ETNK2: variants seen among roughly 807,000 people sequenced by gnomAD.
The protein encoded by ETNK2 is ethanolamine kinase 2, also known as ethanolamine kinase-like protein.
In ETNK2, 33 loss-of-function variants were observed where a neutral mutation model predicts 46.2. The ratio of observed to expected loss-of-function variants is 0.71; its 90% CI spans 0.54 to 0.96. The LOEUF is 0.96. ETNK2 is among the 40% of genes least tolerant of loss of function. ETNK2 has a pLI of 0.00. For missense variants in ETNK2, 445 were observed against 509.7 expected (o/e 0.87, Z 1.22); for synonymous variants, 194 against 209.0 (o/e 0.93, Z 0.62).
Position 204,151,278 on chromosome 1 carries a change from C to A in ETNK2, c.258+317G>T. ...TTCAGAGCTGGCTGGGTACGCGCTT[C>A]TGGTCAGCGAGGGGCACCAGCACGC... On this transcript the variant is annotated intron_variant, in intron 1 of 7. Transcript: ENST00000367202. This position sits in a 1 kb window ranked among gnomAD's most constrained non-coding sequence, Gnocchi z 8.0. 3 of 495,326 alleles carry A rather than the reference C, an allele frequency of 6.1e-6. No homozygotes were observed. The highest frequency in any genetic ancestry group is 1.1e-5 in the Non-Finnish European group (3 of 280,716). 30.7% of individuals were successfully genotyped at this position (495,326 alleles called of 1,614,324 possible).
chr1:204,147,488 AC>A (rs1558238040), intron 2 of ETNK2: 1 of 533,130 alleles, frequency 1.9e-6, no homozygotes, highest in Admixed American at 1.9e-5. Flanking sequence ...CTTGATAAAG[AC>A]CCCATCGCCC....
rs1432420183 is a variant in ETNK2 at position 204,133,583 on chromosome 1, G to A, written c.1088+932C>T. The stretch of plus-strand genomic sequence containing the variant: ...GTCTCGCTCTGTCGCCCAGGCTGGA[G>A]TGCAGTGGCGGGATCTCGGCTCACT... On this transcript the variant is annotated intron_variant, in intron 7 of 7. Coordinates refer to ENST00000367202, the MANE Select transcript of ETNK2 (RefSeq NM_018208.4). Among the ~76,000 whole-genome samples the A allele has an allele frequency of 2.0e-5, 3 of 150,248 alleles. No homozygotes were observed. The East Asian group carries it at 5.9e-4, about 29-fold the overall frequency.
chr1:204,131,797 A>G lies in ETNK2; in HGVS notation c.*387T>C. The G allele has an allele frequency of 4.3e-6, 1 of 233,220 alleles. No individual in the cohort carries two copies. Among genetic ancestry groups the G allele is most frequent in the Non-Finnish European group, 8.6e-6 (1 of 115,668 alleles). The allele number at this position is 233,220 out of a possible 1,614,324, so 14.4% of individuals were successfully genotyped here. A position where few individuals can be genotyped will look rare whatever the true frequency, so the allele number is the denominator to read the frequency against. ...TGGAGGCTCAGGGCACTGGAGGTAG[A>G]AAGGAGCCCTCCCCGCCTCCTTCCC... On this transcript the variant is annotated 3_prime_UTR_variant, in exon 8 of 8. Transcript: ENST00000367202. The surrounding 1 kb of genome is among the most constrained non-coding windows in gnomAD (Gnocchi z 4.3).
intron 3 of ETNK2, 84 bp from the exon 4 acceptor site, chr1:204,141,541 A>G (rs942811447): frequency 1.7e-5 from 24 of 1,448,010 alleles, no homozygotes; most frequent in Admixed American, 8.4e-5. Flanking sequence ...TCTGAGCCTC[A>G]TCACTCCCTC....
intron 1 of ETNK2, among the ~76,000 whole-genome samples, chr1:204,150,333 G>A (rs982295105): frequency 1.3e-5 from 2 of 152,204 alleles, no homozygotes; most frequent in African/African-American, 2.4e-5. Flanking sequence ...GAATGTGGCA[G>A]GGGAGGGCTG....
chr1:204,147,235 C>T (rs556641995), intron 2 of ETNK2, among the ~76,000 whole-genome samples: 6 of 152,324 alleles, frequency 3.9e-5, no homozygotes, highest in African/African-American at 7.2e-5. Flanking sequence ...GGAAGAAATG[C>T]CCGCCTCTTA....
intron 6 of ETNK2, among the ~76,000 whole-genome samples, chr1:204,135,130 C>T (rs1379393777): frequency 6.6e-6 from 1 of 152,188 alleles, no homozygotes; most frequent in African/African-American, 2.4e-5. Context: ...TTTCCTCTCT[C>T]CTGGGAGGCT....
chr1:204,137,670 CTT>C (rs1657343360), intron 5 of ETNK2, among the ~76,000 whole-genome samples: 1 of 152,206 alleles, frequency 6.6e-6, no homozygotes, highest in Admixed American at 6.5e-5. Context: ...TAAGGGAACT[CTT>C]TTCTATCACT....
intron 2 of ETNK2, among the ~76,000 whole-genome samples, chr1:204,147,142 C>T (rs563605255): frequency 6.6e-6 from 1 of 152,202 alleles, no homozygotes; most frequent in Admixed American, 6.5e-5. Context: ...CCCTCCTCTC[C>T]CCGGACTCTG....
At chr1:204,135,584 G>T (rs1558229978) in intron 6 of ETNK2, among the ~76,000 whole-genome samples, 1 of 152,054 alleles carries the variant, frequency 6.6e-6, no homozygotes, top group South Asian at 2.1e-4. Context: ...TCACTCAGGG[G>T]TTGGCTACAA....
intron 3 of ETNK2, among the ~76,000 whole-genome samples, chr1:204,143,212 C>A (rs1657629081): frequency 6.6e-6 from 1 of 151,864 alleles, no homozygotes; most frequent in African/African-American, 2.4e-5. Flanking sequence ...TAAGAAGCTA[C>A]CTTTTAAGAT....
chr1:204,143,844 T>C (rs1053685637), intron 3 of ETNK2, among the ~76,000 whole-genome samples: 1 of 152,172 alleles, frequency 6.6e-6, no homozygotes, highest in Non-Finnish European at 1.5e-5. Flanking sequence ...CCAACCCAGT[T>C]ATCCGCCCCA....
intron 2 of ETNK2, among the ~76,000 whole-genome samples, chr1:204,148,813 G>C (rs559164434): frequency 6.6e-6 from 1 of 152,302 alleles, no homozygotes; most frequent in Admixed American, 6.5e-5. Context: ...TTTCCCCTCA[G>C]TATGCAAGCC....
At chr1:204,147,762 C>A (rs1263895416) in intron 2 of ETNK2, among the ~76,000 whole-genome samples, 1 of 152,192 alleles carries the variant, frequency 6.6e-6, no homozygotes, top group Non-Finnish European at 1.5e-5. Flanking sequence ...GATAACAGAG[C>A]AGTTTTGGGG....
chr1:204,151,285 G>T lies in ETNK2; in HGVS notation c.258+310C>A, dbSNP rs1317032365. 1.2e-5 allele frequency: 6 copies of T among 505,486 alleles called. No individual in the cohort carries two copies. Among genetic ancestry groups the T allele is most frequent in the African/African-American group, 2.1e-5 (1 of 48,564 alleles). The allele number at this position is 505,486 out of a possible 1,614,324, so 31.3% of individuals were successfully genotyped here. ...CTGGCTGGGTACGCGCTTCTGGTCA[G>T]CGAGGGGCACCAGCACGCAGCGACA... On this transcript the variant is annotated intron_variant, in intron 1 of 7. Coordinates refer to ENST00000367202, the MANE Select transcript of ETNK2 (RefSeq NM_018208.4). The surrounding 1 kb of genome is among the most constrained non-coding windows in gnomAD (Gnocchi z 8.0).
In ETNK2 at chr1:204,151,739, G is replaced by A. The variant is rs1658013519; in HGVS notation, c.114C>T (p.Ser38=). The A allele has an allele frequency of 1.3e-6, 2 of 1,531,342 alleles. No individual in the cohort carries two copies. Among genetic ancestry groups the A allele is most frequent in the African/African-American group, 1.4e-5 (1 of 71,734 alleles). 94.9% of individuals were successfully genotyped at this position (1,531,342 alleles called of 1,614,324 possible). A position where few individuals can be genotyped will look rare whatever the true frequency, so the allele number is the denominator to read the frequency against. Residue 38 remains serine, a synonymous_variant, in exon 1 of 8, where the codon AGC becomes AGT. Transcript: ENST00000367202. The surrounding 1 kb of genome is among the most constrained non-coding windows in gnomAD (Gnocchi z 8.0). ...GMEEKAAASA[S]CREPPGPPRA... Reference sequence around the variant, plus strand: ...TCGGGGGGCCCGGCGGCTCCCGGCAGCTGGCGCTGGCCGCCGCCTTCTCCT... The same window carrying A: ...TCGGGGGGCCCGGCGGCTCCCGGCAACTGGCGCTGGCCGCCGCCTTCTCCT...
At chr1:204,134,880 A>G (rs150479396) in intron 6 of ETNK2, among the ~76,000 whole-genome samples, 1 of 152,314 alleles carries the variant, frequency 6.6e-6, no homozygotes, top group Non-Finnish European at 1.5e-5. Flanking sequence ...GGGGGTTCCC[A>G]CAACCTAAGC....
intron 3 of ETNK2, among the ~76,000 whole-genome samples, 158 bp downstream of exon 3, chr1:204,146,484 G>C (rs761752427): frequency 6.6e-6 from 1 of 152,102 alleles, no homozygotes; most frequent in Non-Finnish European, 1.5e-5. Context: ...TGGAGACAGA[G>C]GCTTACCGAC....
intron 2 of ETNK2, chr1:204,147,323 C>T (rs540143768): frequency 2.0e-4 from 88 of 432,746 alleles, no homozygotes; most frequent in African/African-American, 1.2e-3. Context: ...TTGATGCTGG[C>T]GGCTGGGTGC....
Sources: gnomAD v4.1 joint callset for allele counts (sites outside exome capture counted in the v4.1 genomes callset) on GRCh38, gnomAD v4.1.1 for gene constraint, Gnocchi (gnomAD v3.1) non-coding constraint, MANE v1.5 for transcripts, NCBI Gene and HGNC (gene_info 2026-07-23, HGNC 2026-07-21) for gene names.